The following THAP8 variants were observed in gnomAD, a reference collection of about 807,000 sequenced individuals.
THAP8 encodes THAP domain containing 8, also known as THAP domain-containing protein 8.
A neutral mutation model predicts 25.0 loss-of-function variants in THAP8; 24 were observed. The ratio of observed to expected loss-of-function variants is 0.96; its 90% CI spans 0.69 to 1.35. THAP8 has a LOEUF of 1.35. Among genes scored for constraint, THAP8 ranks in the 40% most tolerant of loss-of-function variants. The probability of loss-of-function intolerance (pLI) is 0.00; values close to 1 mark genes in which losing one functional copy is unlikely to be tolerated. For missense variants in THAP8, 399 were observed against 368.8 expected (o/e 1.08, Z -0.67); for synonymous variants, 169 against 157.6 (o/e 1.07, Z -0.54).
Position 36,035,330 on chromosome 19 carries a change from G to A in THAP8, c.*110C>T. 7.2e-7 allele frequency: 1 copy of A among 1,395,874 alleles called. No homozygotes were observed. The highest frequency in any genetic ancestry group is 9.7e-7 in the Non-Finnish European group (1 of 1,033,808). The allele number at this position is 1,395,874 out of a possible 1,614,324, so 86.5% of individuals were successfully genotyped here. A position where few individuals can be genotyped will look rare whatever the true frequency, so the allele number is the denominator to read the frequency against. ...TGGTAGAACCCAGGCCCTTGAGGGA[G>A]GCACTGCTACTACCCAGGCGTGGGC... On this transcript the variant is annotated 3_prime_UTR_variant, in exon 4 of 4. Coordinates refer to ENST00000292894, the MANE Select transcript of THAP8 (RefSeq NM_152658.3).
chr19:36,054,041 C>A, intron 1 of THAP8, 94 bp downstream of exon 1: 1 of 1,419,076 alleles, frequency 7.0e-7, no homozygotes, highest in Non-Finnish European at 9.7e-7. Flanking sequence ...CACCCTCAAG[C>A]AAGACCAGAA....
chr19:36,039,615 G>A lies in THAP8; in HGVS notation c.380C>T (p.Pro127Leu). Residue 127 changes from proline (P) to leucine (L), a missense_variant, in exon 3 of 4, where the codon CCA becomes CTA. Physicochemically the swap from Pro to Leu is moderately conservative, Grantham distance 98. Transcript: ENST00000292894. ...GGGGCCCAGCACCACTAGGCGCACT[G>A]GGCCAGAGACTGGGATGGCAGGGCT... ...PQSPAIPVSG[P>L]VRLVVLGPTS... is the part of the protein sequence containing the mutation. 6.6e-7 allele frequency: 1 copy of A among 1,509,188 alleles called. No individual in the cohort carries two copies. 93.5% of individuals were successfully genotyped at this position (1,509,188 alleles called of 1,614,324 possible).
At chr19:36,037,878 T>A (rs965007973) in intron 3 of THAP8, among the ~76,000 whole-genome samples, 1 of 152,106 alleles carries the variant, frequency 6.6e-6, no homozygotes. Context: ...GACCTCGTGA[T>A]CTGCCCACCT....
chr19:36,046,678 A>G (rs899334572), intron 1 of THAP8, among the ~76,000 whole-genome samples: 1 of 152,168 alleles, frequency 6.6e-6, no homozygotes, highest in Non-Finnish European at 1.5e-5. Flanking sequence ...CACAAACACA[A>G]GATCTATTGC....
Position 36,051,055 on chromosome 19 carries a change from C to T in THAP8, c.83+3080G>A, listed in dbSNP as rs1320499450. Reference sequence around the variant, plus strand: ...TGGGGGAGATAATGAATGAATACATCGAAAACGCAATATGCAGACAGTGAT... The same window carrying T: ...TGGGGGAGATAATGAATGAATACATTGAAAACGCAATATGCAGACAGTGAT... On this transcript the variant is annotated intron_variant, in intron 1 of 3. Coordinates refer to ENST00000292894, the MANE Select transcript of THAP8 (RefSeq NM_152658.3). 2.0e-5 allele frequency among the ~76,000 whole-genome samples: 3 copies of T among 151,938 alleles called. No homozygotes were observed. In the South Asian group the frequency reaches 6.2e-4, roughly 32 times the overall value.
chr19:36,053,838 G>C (rs1568558049), intron 1 of THAP8, among the ~76,000 whole-genome samples: 1 of 152,150 alleles, frequency 6.6e-6, no homozygotes, highest in Non-Finnish European at 1.5e-5. Flanking sequence ...TGCGTGGGGA[G>C]GGCAAGTGGG....
intron 3 of THAP8, among the ~76,000 whole-genome samples, chr19:36,036,667 A>G (rs4806252): frequency 0.47 from 71,856 of 151,624 alleles, 17,761 homozygotes; most frequent in African/African-American, 0.61. Flanking sequence ...CTGGCTGGGC[A>G]TGGTGGCTCA....
intron 1 of THAP8, among the ~76,000 whole-genome samples, chr19:36,047,838 AAAG>A (rs552688267): frequency 2.3e-4 from 30 of 131,566 alleles, no homozygotes; most frequent in African/African-American, 3.9e-4. Context: ...AAAAAAAAAA[AAAG>A]AAAGAAAAAT....
intron 1 of THAP8, among the ~76,000 whole-genome samples, chr19:36,043,258 T>C (rs1969762073): frequency 6.6e-6 from 1 of 152,074 alleles, no homozygotes; most frequent in Non-Finnish European, 1.5e-5. Flanking sequence ...ATCTGACACA[T>C]GCAACAACAC....
chr19:36,054,753 A>G (rs1477193031), upstream of THAP8: 4 of 619,504 alleles, frequency 6.5e-6, no homozygotes, highest in East Asian at 2.7e-5. Flanking sequence ...CATCCAGTAC[A>G]CTGGCTGTGG....
chr19:36,037,380 A>ACACC (rs1024146227), intron 3 of THAP8, among the ~76,000 whole-genome samples: 246 of 145,548 alleles, frequency 1.7e-3, no homozygotes, highest in African/African-American at 4.3e-3. Context: ...ACACACACAC[A>ACACC]CCCAGCAGTA....
At chr19:36,038,183 T>C (rs1969545646) in intron 3 of THAP8, among the ~76,000 whole-genome samples, 1 of 152,146 alleles carries the variant, frequency 6.6e-6, no homozygotes, top group Admixed American at 6.6e-5. Context: ...ACTCAAGCAA[T>C]CTGCCTGCCT....
intron 3 of THAP8, among the ~76,000 whole-genome samples, chr19:36,038,374 G>A (rs1168484236): frequency 6.6e-6 from 1 of 151,672 alleles, no homozygotes; most frequent in Non-Finnish European, 1.5e-5. Context: ...GGATCTTCCT[G>A]CCTCAGGCTC....
At chr19:36,043,954 T>C (rs1969790157) in intron 1 of THAP8, among the ~76,000 whole-genome samples, 1 of 152,154 alleles carries the variant, frequency 6.6e-6, no homozygotes, top group African/African-American at 2.4e-5. Flanking sequence ...TGGGTGAGGA[T>C]TATCTGATGA....
intron 1 of THAP8, among the ~76,000 whole-genome samples, chr19:36,045,237 G>A (rs955191078): frequency 2.2e-4 from 34 of 151,860 alleles, no homozygotes; most frequent in African/African-American, 6.3e-4. Context: ...ACAGGCGCCC[G>A]CCACCACGTC....
Position 36,043,867 on chromosome 19 carries a change from G to A in THAP8, c.84-3731C>T, listed in dbSNP as rs1969786292. Reference sequence around the variant, plus strand: ...CACGCCACTGCACTACAACCTGGGCGACAGAGCAAGACTCCATCTCAAAAA... The same window carrying A: ...CACGCCACTGCACTACAACCTGGGCAACAGAGCAAGACTCCATCTCAAAAA... On this transcript the variant is annotated intron_variant, in intron 1 of 3. Coordinates refer to ENST00000292894, the MANE Select transcript of THAP8 (RefSeq NM_152658.3). 3.3e-5 allele frequency among the ~76,000 whole-genome samples: 5 copies of A among 152,056 alleles called. 1 individual carries two copies. The highest frequency in any genetic ancestry group is 2.6e-4 in the Admixed American group (4 of 15,248).
At chr19:36,050,720 A>G (rs1343184206) in intron 1 of THAP8, among the ~76,000 whole-genome samples, 1 of 152,226 alleles carries the variant, frequency 6.6e-6, no homozygotes, top group Non-Finnish European at 1.5e-5. Flanking sequence ...CTTTGTGTCC[A>G]GCAGGGGCTT....
At chr19:36,045,532 G>C (rs1297847319) in intron 1 of THAP8, among the ~76,000 whole-genome samples, 2 of 152,272 alleles carry the variant, frequency 1.3e-5, no homozygotes, top group East Asian at 3.9e-4. Flanking sequence ...GCCTCCCAAT[G>C]TGCTGAAATT....
At chr19:36,039,296 G>T in intron 3 of THAP8, 27 bp downstream of exon 3, 1 of 1,441,780 alleles carries the variant, frequency 6.9e-7, no homozygotes, top group South Asian at 1.4e-5. Context: ...CCCATGGATG[G>T]GGCTGCCAGG....
Sources: allele counts gnomAD v4.1 joint callset (sites outside exome capture counted in the v4.1 genomes callset), GRCh38; gene constraint gnomAD v4.1.1; transcripts MANE v1.5; gene names NCBI Gene and HGNC (gene_info 2026-07-23, HGNC 2026-07-21).